Variants in RELN observed in about 807,000 individuals in gnomAD.
RELN encodes the protein reelin.
Under a neutral mutation model 427.6 loss-of-function variants are expected in RELN, and 108 were observed. That is an observed-to-expected ratio of 0.25 (90% CI 0.22 to 0.30). The LOEUF is 0.30. Among genes scored for constraint, RELN ranks in the 10% least tolerant of loss-of-function variants. The pLI is 1.00. For missense variants in RELN, 3,715 were observed against 4,302.8 expected (o/e 0.86, Z 3.82); for synonymous variants, 1,524 against 1,513.4 (o/e 1.01, Z -0.16).
At chr7:103,634,814 T>A (rs1480758844) in intron 19 of RELN, among the ~76,000 whole-genome samples, 4 of 152,106 alleles carry the variant, frequency 2.6e-5, no homozygotes, top group Middle Eastern at 3.2e-3. Context: ...TCTATTCCTG[T>A]GTAATAGTTT....
At position 103,522,154 on chromosome 7, in the gene RELN, G is replaced by A; in HGVS notation, c.7536C>T (p.Thr2512=). ...TGTCTTTGAGTTGGGTTGGAAGAGA[G>A]GTCTCGGGGTCATCACAGTACAGGC... The part of the protein sequence containing the change: ...WGGLYCDDPE[T]SLPTQLKDNF... Residue 2512 remains threonine, a synonymous_variant, in exon 48 of 65, where the codon ACC becomes ACT. Coordinates refer to ENST00000428762, the MANE Select transcript of RELN (RefSeq NM_005045.4). 1 of 1,614,128 alleles carries A rather than the reference G, an allele frequency of 6.2e-7. No homozygotes were observed. Among genetic ancestry groups the A allele is most frequent in the Non-Finnish European group, 8.5e-7 (1 of 1,180,028 alleles).
intron 8 of RELN, among the ~76,000 whole-genome samples, chr7:103,721,841 C>T (rs1355355): frequency 0.25 from 37,681 of 151,898 alleles, 4,826 homozygotes; most frequent in South Asian, 0.38. Context: ...TAATTAAACA[C>T]GTTTATTGTG....
At chr7:103,621,353 T>C (rs942304080) in intron 20 of RELN, among the ~76,000 whole-genome samples, 1 of 152,226 alleles carries the variant, frequency 6.6e-6, no homozygotes, top group Non-Finnish European at 1.5e-5. Context: ...TAATGTTGTA[T>C]TTTGTAGACA....
chr7:103,538,417 G>T (rs1007358553), intron 45 of RELN, among the ~76,000 whole-genome samples: 2 of 152,130 alleles, frequency 1.3e-5, no homozygotes, highest in African/African-American at 4.8e-5. Flanking sequence ...AATGATGCCA[G>T]CTTTTATCTC....
chr7:103,587,423 T>C (rs1172222329), intron 28 of RELN, among the ~76,000 whole-genome samples: 2 of 152,036 alleles, frequency 1.3e-5, no homozygotes, highest in Non-Finnish European at 2.9e-5. Flanking sequence ...ACTACAAAAA[T>C]TCTAGAAGAA....
Position 103,650,337 on chromosome 7 carries a change from T to G in RELN, c.1939A>C (p.Asn647His). 6.2e-7 allele frequency: 1 copy of G among 1,613,188 alleles called. No individual in the cohort carries two copies. The highest frequency in any genetic ancestry group is 8.5e-7 in the Non-Finnish European group (1 of 1,179,458). ...IPLPNAALTR[N>H]TRIRWRQTGP... ...GTTTGTCTCCAGCGAATCCTGGTGT[T>G]CCGGGTTAGTGCTGCGTTAGGAAGG... Residue 647 changes from asparagine to histidine, a missense_variant, in exon 16 of 65, where the codon AAC (asparagine) becomes CAC (histidine). Around this residue, in one of 4 missense-constraint regions of RELN, gnomAD observed 2,208 missense variants for 2,361.7 expected, o/e 0.93. Coordinates refer to ENST00000428762, the MANE Select transcript of RELN (RefSeq NM_005045.4).
chr7:103,709,615 G>A (rs1046729759), intron 8 of RELN, among the ~76,000 whole-genome samples: 2 of 152,110 alleles, frequency 1.3e-5, no homozygotes, highest in Non-Finnish European at 2.9e-5. Flanking sequence ...TGGTTATGTG[G>A]GGAGTTCAAC....
At chr7:103,781,713 A>G (rs559494302) in intron 3 of RELN, among the ~76,000 whole-genome samples, 1 of 152,152 alleles carries the variant, frequency 6.6e-6, no homozygotes, top group South Asian at 2.1e-4. Context: ...CTCTACTTCT[A>G]TAAGACCAAC....
chr7:103,859,863 CA>C (rs1484051274), intron 2 of RELN, among the ~76,000 whole-genome samples: 7 of 152,208 alleles, frequency 4.6e-5, no homozygotes, highest in Non-Finnish European at 8.8e-5. Context: ...GTTTGGCTAT[CA>C]CTGAGATTAC....
intron 2 of RELN, among the ~76,000 whole-genome samples, chr7:103,867,428 T>C (rs1794226589): frequency 7.2e-5 from 11 of 151,952 alleles, no homozygotes; most frequent in Admixed American, 7.2e-4. Flanking sequence ...TATGAAGTCA[T>C]AGAAGACTCG....
intron 10 of RELN, among the ~76,000 whole-genome samples, chr7:103,689,179 T>A (rs575764683): frequency 6.6e-6 from 1 of 152,264 alleles, no homozygotes; most frequent in South Asian, 2.1e-4. Flanking sequence ...GATTTACTTC[T>A]TAAAACAAGT....
At chr7:103,842,777 A>T (rs1412574788) in intron 2 of RELN, among the ~76,000 whole-genome samples, 2 of 152,210 alleles carry the variant, frequency 1.3e-5, no homozygotes, top group Non-Finnish European at 2.9e-5. Context: ...TTAGAAATGG[A>T]AGAGAAACTA....
chr7:103,807,910 C>A lies in RELN; in HGVS notation c.473+25627G>T, dbSNP rs116436530. On this transcript the variant is annotated intron_variant, in intron 3 of 64. Transcript: ENST00000428762. ...TGCAGCCCCATAACAGGCCCTCATC[C>A]CACCAGCAGAAGACTGTAAGTTTAT... is the stretch of plus-strand genomic sequence containing the variant. Among the ~76,000 whole-genome samples the A allele has an allele frequency of 3.3e-3, 502 of 152,164 alleles. 7 individuals are homozygous for A. The highest frequency in any genetic ancestry group is 0.012 in the African/African-American group (478 of 41,530).
At chr7:103,941,299 G>A (rs1428412161) in intron 1 of RELN, among the ~76,000 whole-genome samples, 1 of 152,166 alleles carries the variant, frequency 6.6e-6, no homozygotes, top group Non-Finnish European at 1.5e-5. Context: ...TTAAGTGGTA[G>A]GTAAAACATT....
At chr7:103,631,754 C>A (rs545847381) in intron 19 of RELN, among the ~76,000 whole-genome samples, 2 of 151,868 alleles carry the variant, frequency 1.3e-5, no homozygotes, top group Non-Finnish European at 2.9e-5. Flanking sequence ...TTTTTCAAAT[C>A]TGTTTATTAA....
chr7:103,688,582 T>A (rs1833809545), intron 10 of RELN, among the ~76,000 whole-genome samples: 1 of 152,170 alleles, frequency 6.6e-6, no homozygotes, highest in Non-Finnish European at 1.5e-5. Context: ...TTTCATTAGC[T>A]TTAACTTGTG....
chr7:103,686,439 A>G (rs1044836914), intron 10 of RELN, among the ~76,000 whole-genome samples: 2 of 152,176 alleles, frequency 1.3e-5, no homozygotes, highest in Admixed American at 1.3e-4. Flanking sequence ...TAATATTTTA[A>G]GTGATTATTT....
At chr7:103,609,448 A>G (rs1831897101) in intron 22 of RELN, among the ~76,000 whole-genome samples, 1 of 152,200 alleles carries the variant, frequency 6.6e-6, no homozygotes, top group Non-Finnish European at 1.5e-5. Context: ...TTGAAATTAA[A>G]TAAAAGTCTT....
In RELN at chr7:103,501,140, T is replaced by C. The variant is rs541771809; in HGVS notation, c.8490-218A>G. Among the ~76,000 whole-genome samples the C allele has an allele frequency of 2.0e-5, 3 of 152,288 alleles. No individual in the cohort carries two copies. The East Asian group carries it at 5.8e-4, about 29-fold the overall frequency. Reference sequence around the variant, plus strand: ...GAAATTTCAGAATATCTGAGCACACTTGCACAACAAAATTAAATCAGTGGA... The same window carrying C: ...GAAATTTCAGAATATCTGAGCACACCTGCACAACAAAATTAAATCAGTGGA... On this transcript the variant is annotated intron_variant, in intron 52 of 64. Transcript: ENST00000428762.
Sources: allele counts gnomAD v4.1 joint callset (sites outside exome capture counted in the v4.1 genomes callset), GRCh38; gene constraint gnomAD v4.1.1; regional missense constraint gnomAD v4.1.1; transcripts MANE v1.5; gene names NCBI Gene and HGNC (gene_info 2026-07-23, HGNC 2026-07-21).